The following RNF213 variants were observed in gnomAD, a reference collection of about 807,000 sequenced individuals.
RNF213 encodes ring finger protein 213.
A neutral mutation model predicts 514.4 loss-of-function variants in RNF213; 341 were observed. That is an observed-to-expected ratio of 0.66 (90% CI 0.61 to 0.73). The LOEUF (loss-of-function observed/expected upper bound fraction) is 0.73. Among genes scored for constraint, RNF213 ranks in the 30% least tolerant of loss-of-function variants. The probability of loss-of-function intolerance (pLI) is 0.00; values close to 1 mark genes in which losing one functional copy is unlikely to be tolerated. For synonymous variants in RNF213, 2,655 were observed against 2,658.2 expected, an observed-to-expected ratio of 1.00 and a Z score of 0.04; for missense variants, 5,767 against 6,615.6, an observed-to-expected ratio of 0.87 and a Z score of 4.45.
chr17:80,373,268 CCACCCCCTCACACCT>C, intron 49 of RNF213, 103 bp downstream of exon 49: 2 of 911,104 alleles, frequency 2.2e-6, no homozygotes, highest in Admixed American at 2.1e-5. Flanking sequence ...CCCCCACACC[CCACCCCCTCACACCT>C]TCCCCACCAC....
At chr17:80,351,183 T>C (rs781238021) in intron 31 of RNF213, among the ~76,000 whole-genome samples, 7 of 152,216 alleles carry the variant, frequency 4.6e-5, no homozygotes, top group Non-Finnish European at 1.0e-4. Context: ...CAGAACTCTT[T>C]GTTGAAATGG....
intron 5 of RNF213, 23 bp from the exon 6 acceptor site, chr17:80,289,636 C>A: frequency 6.2e-7 from 1 of 1,611,102 alleles, no homozygotes; most frequent in South Asian, 1.1e-5. Flanking sequence ...CCTTCAAGGT[C>A]AGGGTTTGGT....
At chr17:80,320,100 G>T (rs549258394) in intron 17 of RNF213, 5 of 765,788 alleles carry the variant, frequency 6.5e-6, no homozygotes, top group Non-Finnish European at 8.0e-6. Flanking sequence ...TCACAGATAT[G>T]TACAGTCATC....
intron 23 of RNF213, chr17:80,337,382 A>G (rs1423944558): frequency 1.6e-6 from 1 of 632,032 alleles, no homozygotes; most frequent in Non-Finnish European, 2.7e-6. Context: ...AGCGAGTACA[A>G]AGCAGCACTG....
At chr17:80,313,737 A>G (rs180771491) in intron 15 of RNF213, among the ~76,000 whole-genome samples, 6,136 of 33,756 alleles carry the variant, frequency 0.18, 10 homozygotes, top group African/African-American at 0.21. Context: ...GGAGGTGACA[A>G]TGGTGATGCT....
In RNF213 at chr17:80,348,149, G is replaced by A. The variant is rs371177210; in HGVS notation, c.9814G>A (p.Ala3272Thr). 6.2e-6 allele frequency: 10 copies of A among 1,614,088 alleles called. No homozygotes were observed. Among genetic ancestry groups the A allele is most frequent in the South Asian group, 4.4e-5 (4 of 91,090 alleles). The change falls in exon 29 of 68, where the codon GCC (alanine) becomes ACC (threonine). Residue 3272 changes from alanine (A) to threonine (T), a missense_variant. Ala to Thr is a moderately conservative substitution (Grantham distance 58, BLOSUM62 0). Coordinates refer to ENST00000582970, the MANE Select transcript of RNF213 (RefSeq NM_001256071.3). ...GCCCGATGCCGTGGTCCGGCTGAGC[G>A]CCTACTCGCTGGGCGGGTTCGCAGC... ...ATPDAVVRLS[A>T]YSLGGFAAEW...
Position 80,353,419 on chromosome 17 carries a change from G to T in RNF213, c.10424-93G>T. ...GCAGGGGCCGGGGAAGCCTGCACTC[G>T]GAGGCTGAGCACACAGACTCCCAGA... On this transcript the variant is annotated intron_variant, in intron 33 of 67. Coordinates refer to ENST00000582970, the MANE Select transcript of RNF213 (RefSeq NM_001256071.3). This position sits in a 1 kb window ranked among gnomAD's most constrained non-coding sequence, Gnocchi z 5.0. 1.4e-6 allele frequency: 2 copies of T among 1,423,394 alleles called. No individual in the cohort carries two copies. Among genetic ancestry groups the T allele is most frequent in the East Asian group, 5.0e-5 (2 of 40,364 alleles). 88.2% of individuals were successfully genotyped at this position (1,423,394 alleles called of 1,614,324 possible).
intron 17 of RNF213, among the ~76,000 whole-genome samples, chr17:80,324,218 G>A (rs2046221011): frequency 6.6e-6 from 1 of 152,178 alleles, no homozygotes; most frequent in South Asian, 2.1e-4. Context: ...TGATGTCAAC[G>A]TGAGCTTTTC....
intron 41 of RNF213, among the ~76,000 whole-genome samples, 179 bp downstream of exon 41, chr17:80,363,969 G>C (rs1368904625): frequency 6.6e-6 from 1 of 152,208 alleles, no homozygotes; most frequent in African/African-American, 2.4e-5. Context: ...GTCTCATTAG[G>C]GTGCTGGAGA....
Position 80,383,008 on chromosome 17 carries a change from A to C in RNF213, c.14008A>C (p.Thr4670Pro). 1 of 1,614,036 alleles carries C rather than the reference A, an allele frequency of 6.2e-7. No homozygotes were observed. The highest frequency in any genetic ancestry group is 1.3e-5 in the African/African-American group (1 of 75,032). ...TTTAAATTTTGACACAGAATTGTCA[A>C]CTAAAGAAATGAGGAACAACTGGGA... Reference protein sequence around the residue: ...RLLNFDTELSTKEMRNNWEKE... With the variant: ...RLLNFDTELSPKEMRNNWEKE... Residue 4670 changes from threonine (T) to proline (P), a missense_variant, in exon 58 of 68, where the codon ACT becomes CCT. Physicochemically the swap from Thr to Pro is conservative, Grantham distance 38. Coordinates refer to ENST00000582970, the MANE Select transcript of RNF213 (RefSeq NM_001256071.3).
chr17:80,347,293 C>T lies in RNF213; in HGVS notation c.8958C>T (p.Asn2986=). ...ACATTGCACAGGCTGTCCTTAGGAA[C>T]TTCAGTGGCAAGGATGACATCCAAG... is the stretch of plus-strand genomic sequence containing the variant. The part of the protein sequence containing the change: ...PQDIAQAVLR[N]FSGKDDIQAL... The change falls in exon 29 of 68, where the codon AAC becomes AAT. Residue 2986 remains asparagine, a synonymous_variant. Coordinates refer to ENST00000582970, the MANE Select transcript of RNF213 (RefSeq NM_001256071.3). The surrounding 1 kb of genome is among the most constrained non-coding windows in gnomAD (Gnocchi z 7.2). The T allele has an allele frequency of 6.2e-7, 1 of 1,613,928 alleles. No homozygotes were observed.
chr17:80,282,737 C>T (rs998992777), intron 3 of RNF213, among the ~76,000 whole-genome samples: 5 of 152,012 alleles, frequency 3.3e-5, no homozygotes, highest in African/African-American at 1.2e-4. Context: ...TGCTCTGTCT[C>T]CCAGGCTGGA....
Position 80,363,306 on chromosome 17 carries a change from T to A in RNF213, c.11560T>A (p.Cys3854Ser). The change falls in exon 40 of 68, where the codon TGT (cysteine) becomes AGT (serine). Residue 3854 changes from cysteine (C) to serine (S), a missense_variant. This residue lies in a region of RNF213 where 355 missense variants were observed against 358.0 expected (regional missense o/e 0.99). Coordinates refer to ENST00000582970, the MANE Select transcript of RNF213 (RefSeq NM_001256071.3). The stretch of plus-strand genomic sequence containing the variant: ...CCGTTGGAACCATGAGCTGGCTGGA[T>A]GTGAGATGGTATGGCCCTCCTCCGC... ...EARWNHELAGCEMTLDAFAAM... is the reference protein window; with the variant it reads ...EARWNHELAGSEMTLDAFAAM... The A allele has an allele frequency of 6.2e-7, 1 of 1,613,818 alleles. No homozygotes were observed. The highest frequency in any genetic ancestry group is 8.5e-7 in the Non-Finnish European group (1 of 1,179,982).
intron 8 of RNF213, among the ~76,000 whole-genome samples, chr17:80,294,238 G>C (rs554566995): frequency 1.8e-4 from 27 of 152,194 alleles, no homozygotes; most frequent in East Asian, 7.7e-4. Context: ...AGGGCCATCT[G>C]TGCCAGCTGG....
At position 80,386,976 on chromosome 17, in the gene RNF213, G is replaced by C; in HGVS notation, c.14922+85G>C. ...TTGGTGTGTTTCTCGAGAGAGGGAA[G>C]CAGCACCTCACCCTGCAGTCTGGTC... On this transcript the variant is annotated intron_variant, in intron 63 of 67. Coordinates refer to ENST00000582970, the MANE Select transcript of RNF213 (RefSeq NM_001256071.3). The C allele has an allele frequency of 3.1e-6, 4 of 1,301,342 alleles. No individual in the cohort carries two copies. In the South Asian group the frequency reaches 3.8e-5, roughly 12 times the overall value. The allele number at this position is 1,301,342 out of a possible 1,614,324, so 80.6% of individuals were successfully genotyped here.
chr17:80,362,657 A>G (rs2079099222), intron 39 of RNF213, among the ~76,000 whole-genome samples: 1 of 152,268 alleles, frequency 6.6e-6, no homozygotes, highest in East Asian at 1.9e-4. Flanking sequence ...ACAGTTGAGC[A>G]CCTTATCCGA....
rs1348905002 is a variant in RNF213 at position 80,291,647 on chromosome 17, G to T, written c.1291G>T (p.Val431Phe). The change falls in exon 8 of 68, where the codon GTT (valine) becomes TTT (phenylalanine). Residue 431 changes from valine to phenylalanine, a missense_variant. Coordinates refer to ENST00000582970, the MANE Select transcript of RNF213 (RefSeq NM_001256071.3). ...HYTRDLGHDR[V>F]LVEGIVCISK... Reference sequence around the variant, plus strand: ...TCACAGAGACTTGGGTCATGACCGCGTTCTTGTTGAAGGCATTGTCTGCAT... The same window carrying T: ...TCACAGAGACTTGGGTCATGACCGCTTTCTTGTTGAAGGCATTGTCTGCAT... 6.2e-7 allele frequency: 1 copy of T among 1,614,082 alleles called. No individual in the cohort carries two copies. Among genetic ancestry groups the T allele is most frequent in the East Asian group, 2.2e-5 (1 of 44,902 alleles).
At position 80,343,242 on chromosome 17, in the gene RNF213, C is replaced by T. The variant is rs765966177; in HGVS notation, c.6100C>T (p.Arg2034Ter). The change falls in exon 27 of 68, where the codon CGA (arginine) becomes TGA (stop). Residue 2034 changes from arginine (R) to a stop codon, truncating the protein, a stop_gained. Coordinates refer to ENST00000582970, the MANE Select transcript of RNF213 (RefSeq NM_001256071.3). LOFTEE classifies it high-confidence loss of function. This position sits in a 1 kb window ranked among gnomAD's most constrained non-coding sequence, Gnocchi z 4.3. ...GATCGACCCTCAGGTGGATGAGAGCCGAGTCCTGGGCGCCCTGCTGCCCTT... is the reference window on the plus strand; with the variant it reads ...GATCGACCCTCAGGTGGATGAGAGCTGAGTCCTGGGCGCCCTGCTGCCCTT... ...RLIDPQVDES[R>*]VLGALLPFLD... is the part of the protein sequence containing the mutation. The T allele has an allele frequency of 8.1e-6, 13 of 1,613,988 alleles. No individual in the cohort carries two copies. Among genetic ancestry groups the T allele is most frequent in the South Asian group, 4.4e-5 (4 of 91,078 alleles).
At chr17:80,322,399 A>G (rs2046170618) in intron 17 of RNF213, among the ~76,000 whole-genome samples, 1 of 151,648 alleles carries the variant, frequency 6.6e-6, no homozygotes, top group Non-Finnish European at 1.5e-5. Context: ...ACACGGTGAC[A>G]CCCTGTCTCT....
Sources: gnomAD v4.1 joint callset for allele counts (sites outside exome capture counted in the v4.1 genomes callset) on GRCh38, gnomAD v4.1.1 for gene constraint, gnomAD v4.1.1 regional missense constraint, Gnocchi (gnomAD v3.1) non-coding constraint, MANE v1.5 for transcripts, NCBI Gene and HGNC (gene_info 2026-07-23, HGNC 2026-07-21) for gene names.